Variants in PDE2A observed in about 807,000 individuals in gnomAD.
The protein encoded by PDE2A is phosphodiesterase 2A, also known as cGMP-dependent 3',5'-cyclic phosphodiesterase.
PDE2A carries 53 observed loss-of-function variants against 133.6 expected under a neutral mutation model. The ratio of observed to expected loss-of-function variants is 0.40; its 90% CI spans 0.32 to 0.50. The LOEUF is 0.50. Among genes scored for constraint, PDE2A ranks in the 20% least tolerant of loss-of-function variants. PDE2A has a pLI of 0.73. For missense variants in PDE2A, 796 were observed against 1,232.4 expected, an observed-to-expected ratio of 0.65 and a Z score of 5.30; for synonymous variants, 491 against 490.2, an observed-to-expected ratio of 1.00 and a Z score of -0.02.
chr11:72,577,944 C>T (rs914269500), intron 30 of PDE2A, among the ~76,000 whole-genome samples: 1 of 152,186 alleles, frequency 6.6e-6, no homozygotes, highest in South Asian at 2.1e-4. Context: ...TGCACTCCAG[C>T]CTGGGCAACA....
rs369148092 is a variant in PDE2A at position 72,586,193 on chromosome 11, G to A, written c.1071-12C>T. ...CCTCGTCGGTGAACCTGGAGGAGGG[G>A]GTGGGCTCACTCAGGAGGGAAGGGA... On this transcript the variant is annotated splice_polypyrimidine_tract_variant and intron_variant, in intron 13 of 30. Coordinates refer to ENST00000334456, the MANE Select transcript of PDE2A (RefSeq NM_002599.5). 4.9e-5 allele frequency: 75 copies of A among 1,520,802 alleles called. No individual in the cohort carries two copies. The African/African-American group carries it at 9.7e-4, about 20-fold the overall frequency. The allele number at this position is 1,520,802 out of a possible 1,614,324, so 94.2% of individuals were successfully genotyped here.
intron 1 of PDE2A, among the ~76,000 whole-genome samples, chr11:72,646,013 G>A (rs1281232997): frequency 6.6e-6 from 1 of 152,222 alleles, no homozygotes. Context: ...AAGGAAATCA[G>A]ATTTCCCAGC....
At chr11:72,619,047 C>T (rs1225960585) in intron 2 of PDE2A, among the ~76,000 whole-genome samples, 2 of 146,962 alleles carry the variant, frequency 1.4e-5, no homozygotes, top group East Asian at 1.9e-4. Flanking sequence ...ATGCACACAG[C>T]GTGCGCACAC....
Position 72,579,384 on chromosome 11 carries a change from C to T in PDE2A, c.2257-1G>A. 6.2e-7 allele frequency: 1 copy of T among 1,613,024 alleles called. No homozygotes were observed. On this transcript the variant is annotated splice_acceptor_variant, in intron 26 of 30. Coordinates refer to ENST00000334456, the MANE Select transcript of PDE2A (RefSeq NM_002599.5). LOFTEE classifies it high-confidence loss of function. ...TCAGATCCAGCATGCGCTGATAGTC[C>T]TGAGGCGAGGGCAGGGGTGTCATGC...
rs1245665129 is a variant in PDE2A at position 72,658,003 on chromosome 11, G to GT, written c.72-15678dup. On this transcript the variant is annotated intron_variant, in intron 1 of 30. Coordinates refer to ENST00000334456, the MANE Select transcript of PDE2A (RefSeq NM_002599.5). ...GAGGGAAGAGGGAGGGAGTTCATAT[G>GT]TTGTGCCTTCTCCTGGCAGGCATGT... The GT allele has an allele frequency of 8.8e-6, 4 of 456,298 alleles. No individual in the cohort carries two copies. The Admixed American group carries it at 9.4e-5, about 11-fold the overall frequency. The allele number at this position is 456,298 out of a possible 1,614,324, so 28.3% of individuals were successfully genotyped here.
Position 72,596,658 on chromosome 11 carries a change from A to G in PDE2A, c.434-10T>C. 4.8e-6 allele frequency: 7 copies of G among 1,446,300 alleles called. No individual in the cohort carries two copies. The highest frequency in any genetic ancestry group is 3.1e-5 in the South Asian group (2 of 64,754). 89.6% of individuals were successfully genotyped at this position (1,446,300 alleles called of 1,614,324 possible). ...AGCGGCATGACCAGCACTGAGGGGG[A>G]GAGGGCAATGAGGTGCTCCTGCAGG... On this transcript the variant is annotated splice_polypyrimidine_tract_variant and intron_variant, in intron 5 of 30. Coordinates refer to ENST00000334456, the MANE Select transcript of PDE2A (RefSeq NM_002599.5).
intron 20 of PDE2A, among the ~76,000 whole-genome samples, chr11:72,582,834 T>A (rs390130): frequency 0.98 from 149,180 of 152,300 alleles, 73,127 homozygotes; most frequent in South Asian, 1. Flanking sequence ...TGACACCCCC[T>A]AACCATGGCA....
intron 4 of PDE2A, chr11:72,598,756 G>A (rs778827442): frequency 9.1e-6 from 9 of 985,256 alleles, no homozygotes; most frequent in South Asian, 9.4e-5. Flanking sequence ...GACCAAAGAG[G>A]TTGAGCATCT....
intron 2 of PDE2A, among the ~76,000 whole-genome samples, chr11:72,613,277 A>G (rs922316444): frequency 6.6e-5 from 10 of 151,982 alleles, no homozygotes; most frequent in African/African-American, 2.4e-4. Context: ...TCAAGAGTCA[A>G]GTACCTCCCA....
intron 4 of PDE2A, among the ~76,000 whole-genome samples, chr11:72,600,718 G>T (rs1035315017): frequency 6.6e-6 from 1 of 151,898 alleles, no homozygotes; most frequent in Admixed American, 6.6e-5. Flanking sequence ...CCCCCACCCT[G>T]CCTTCCAGGC....
chr11:72,665,314 C>A (rs1855202404), intron 1 of PDE2A, among the ~76,000 whole-genome samples: 2 of 152,124 alleles, frequency 1.3e-5, no homozygotes, highest in Admixed American at 1.3e-4. Flanking sequence ...TGCCTCCCTG[C>A]TCCTTCCTGC....
intron 2 of PDE2A, among the ~76,000 whole-genome samples, chr11:72,611,538 T>G (rs1857212106): frequency 6.6e-6 from 1 of 152,216 alleles, no homozygotes; most frequent in Non-Finnish European, 1.5e-5. Context: ...TGTTCAGTTT[T>G]CTGTGACTTT....
In PDE2A at chr11:72,585,605, G is replaced by A. The variant is rs1287051782; in HGVS notation, c.1183-12C>T. ...ACTTGGAGAAGAGCCTGGAATGAAG[G>A]AAATGGAGATCATAGGGGGGTCGGG... On this transcript the variant is annotated splice_polypyrimidine_tract_variant and intron_variant, in intron 14 of 30. Coordinates refer to ENST00000334456, the MANE Select transcript of PDE2A (RefSeq NM_002599.5). The A allele has an allele frequency of 6.2e-7, 1 of 1,613,614 alleles. No homozygotes were observed. The highest frequency in any genetic ancestry group is 1.1e-5 in the South Asian group (1 of 90,970).
chr11:72,636,025 G>T, intron 2 of PDE2A: 1 of 1,264,622 alleles, frequency 7.9e-7, no homozygotes, highest in South Asian at 1.3e-5. Flanking sequence ...CCCAGTGGCA[G>T]CCCCCAGTAG....
At position 72,668,903 on chromosome 11, in the gene PDE2A, C is replaced by A. The variant is rs145436447; in HGVS notation, c.71+5234G>T. ...TTCAGGCCTCCTGGTCCCTCCCACA[C>A]GATGACAGCCCTGAGCTCCTAGCTC... On this transcript the variant is annotated intron_variant, in intron 1 of 30. Coordinates refer to ENST00000334456, the MANE Select transcript of PDE2A (RefSeq NM_002599.5). 2.9e-6 allele frequency: 3 copies of A among 1,043,230 alleles called. No individual in the cohort carries two copies. The East Asian group carries it at 2.4e-4, about 84-fold the overall frequency. 64.6% of individuals were successfully genotyped at this position (1,043,230 alleles called of 1,614,324 possible). A position where few individuals can be genotyped will look rare whatever the true frequency, so the allele number is the denominator to read the frequency against.
At position 72,608,731 on chromosome 11, in the gene PDE2A, G is replaced by A; in HGVS notation, c.165C>T (p.Gly55=). ...DSLQDALLSL[G]SVIDISGLQR... ...GCAGGCCTGAAATGTCGATGACAGAGCCCAGACTCAGCAAGGCGTCCTGGA... is the reference window on the plus strand; with the variant it reads ...GCAGGCCTGAAATGTCGATGACAGAACCCAGACTCAGCAAGGCGTCCTGGA... The change falls in exon 3 of 31, where the codon GGC becomes GGT. Residue 55 remains glycine (G), a synonymous_variant. Transcript: ENST00000334456. The A allele has an allele frequency of 6.4e-7, 1 of 1,567,438 alleles. No homozygotes were observed. Among genetic ancestry groups the A allele is most frequent in the South Asian group, 1.2e-5 (1 of 85,352 alleles).
intron 1 of PDE2A, among the ~76,000 whole-genome samples, chr11:72,661,261 C>T (rs1000960424): frequency 2.6e-5 from 4 of 152,030 alleles, no homozygotes; most frequent in Admixed American, 1.3e-4. Flanking sequence ...GCCAGGATAG[C>T]GCCACTGCCC....
rs1358316459 is a variant in PDE2A at position 72,577,355 on chromosome 11, C to T, written c.*29G>A. 2 of 1,567,288 alleles carry T rather than the reference C, an allele frequency of 1.3e-6. No homozygotes were observed. Among genetic ancestry groups the T allele is most frequent in the Non-Finnish European group, 1.7e-6 (2 of 1,143,262 alleles). ...ACCAGTGGAGGGCTGTGGGAGGTGG[C>T]CTGGGCAGGGAAGTGTCCCTGGAGG... On this transcript the variant is annotated 3_prime_UTR_variant, in exon 31 of 31. Coordinates refer to ENST00000334456, the MANE Select transcript of PDE2A (RefSeq NM_002599.5).
At chr11:72,593,969 T>C (rs1387539222) in intron 6 of PDE2A, among the ~76,000 whole-genome samples, 1 of 152,198 alleles carries the variant, frequency 6.6e-6, no homozygotes, top group Non-Finnish European at 1.5e-5. Context: ...CGCACTCTAT[T>C]CTCCAGGCCA....
Sources: gnomAD v4.1 joint callset for allele counts (sites outside exome capture counted in the v4.1 genomes callset) on GRCh38, gnomAD v4.1.1 for gene constraint, MANE v1.5 for transcripts, NCBI Gene and HGNC (gene_info 2026-07-23, HGNC 2026-07-21) for gene names.